Variants in PRSS48 observed in about 807,000 individuals in gnomAD.
The protein encoded by PRSS48 is serine protease 48.
Under a neutral mutation model 25.6 loss-of-function variants are expected in PRSS48, and 21 were observed. The observed-to-expected ratio is 0.82, with a 90% confidence interval of 0.58 to 1.18. The LOEUF is 1.18. Among genes scored for constraint, PRSS48 ranks in the 50% most tolerant of loss-of-function variants. The pLI is 0.00. For synonymous variants in PRSS48, 150 were observed against 149.3 expected (o/e 1.00, Z -0.04); for missense variants, 373 against 399.3 (o/e 0.93, Z 0.56).
At chr4:151,286,304 A>G (rs900328208) in intron 4 of PRSS48, among the ~76,000 whole-genome samples, 4 of 151,442 alleles carry the variant, frequency 2.6e-5, no homozygotes, top group African/African-American at 9.7e-5. Flanking sequence ...AACAAAAGCA[A>G]AAGTTGGTTT....
intron 4 of PRSS48, among the ~76,000 whole-genome samples, chr4:151,287,984 T>A (rs1381543572): frequency 6.6e-6 from 1 of 152,126 alleles, no homozygotes; most frequent in African/African-American, 2.4e-5. Flanking sequence ...AATCAATCAA[T>A]GTTAATATAC....
chr4:151,288,777 A>T (rs1221818821), intron 4 of PRSS48, among the ~76,000 whole-genome samples: 4 of 152,216 alleles, frequency 2.6e-5, no homozygotes, highest in Non-Finnish European at 4.4e-5. Context: ...TAATAGTTTT[A>T]AAAAGAATAA....
chr4:151,290,146 C>T (rs1775185118), intron 4 of PRSS48, among the ~76,000 whole-genome samples: 1 of 152,138 alleles, frequency 6.6e-6, no homozygotes, highest in Non-Finnish European at 1.5e-5. Flanking sequence ...GACAGGGTTC[C>T]ACTAGGTTGC....
exon 3 of PRSS48, chr4:151,282,197 G>C (rs777276781): frequency 9.3e-6 from 15 of 1,613,870 alleles, no homozygotes; most frequent in Non-Finnish European, 1.3e-5. Context: ...GATTACAGTA[G>C]GTGACTCAAG....
intron 2 of PRSS48, among the ~76,000 whole-genome samples, chr4:151,281,706 C>T (rs189932750): frequency 1.3e-5 from 2 of 151,734 alleles, no homozygotes; most frequent in South Asian, 2.1e-4. Flanking sequence ...TTTTGTACAT[C>T]TTATCAAATT....
chr4:151,282,450 C>A, intron 3 of PRSS48, 37 bp downstream of exon 3: 1 of 1,607,080 alleles, frequency 6.2e-7, no homozygotes, highest in South Asian at 1.1e-5. Flanking sequence ...TTTCATATGT[C>A]ATCCTCTTGT....
intron 4 of PRSS48, among the ~76,000 whole-genome samples, chr4:151,284,300 T>C (rs780408373): frequency 6.6e-6 from 1 of 152,230 alleles, no homozygotes; most frequent in Non-Finnish European, 1.5e-5. Flanking sequence ...TATTTTTAAA[T>C]TGATCTGTAT....
downstream of PRSS48, chr4:151,291,548 G>A: frequency 1.2e-6 from 1 of 811,400 alleles, no homozygotes; most frequent in Non-Finnish European, 1.9e-6. Flanking sequence ...TTTTGGGGTT[G>A]GAATGTGAAG....
In PRSS48 at chr4:151,282,917, C is replaced by T. The variant is rs1774391531; in HGVS notation, c.482-200C>T. Among the ~76,000 whole-genome samples, 3 of 152,050 alleles carry T rather than the reference C, an allele frequency of 2.0e-5. No individual in the cohort carries two copies. The South Asian group carries it at 6.3e-4, about 32-fold the overall frequency. ...CAATGGCTCAATTAAAAAAAAACCT[C>T]AAAGAAGCAGAAATAATTTAGAATT... On this transcript the variant is annotated intron_variant, in intron 3 of 4. Transcript: ENST00000455694.
chr4:151,287,113 G>C (rs1312327728), intron 4 of PRSS48, among the ~76,000 whole-genome samples: 3 of 151,756 alleles, frequency 2.0e-5, no homozygotes, highest in Admixed American at 6.6e-5. Context: ...GGCCGAGGCA[G>C]GCAGATCACC....
chr4:151,282,731 T>C (rs1580399688), intron 3 of PRSS48, among the ~76,000 whole-genome samples: 1 of 152,096 alleles, frequency 6.6e-6, no homozygotes, highest in Non-Finnish European at 1.5e-5. Flanking sequence ...TTTTTAACTG[T>C]TTTTCAAGTT....
chr4:151,288,689 A>G (rs1024572976), intron 4 of PRSS48, among the ~76,000 whole-genome samples: 1 of 152,172 alleles, frequency 6.6e-6, no homozygotes, highest in Non-Finnish European at 1.5e-5. Flanking sequence ...AAAAAGAAAA[A>G]AGAAAAAAGC....
At chr4:151,279,014 A>G in intron 1 of PRSS48, 6 of 270,802 alleles carry the variant, frequency 2.2e-5, no homozygotes, top group South Asian at 4.7e-5. Context: ...TGTGCTAGCT[A>G]CCAGCTAGAG....
At chr4:151,279,842 T>C (rs751994761) in exon 2 of PRSS48, 1 of 1,611,670 alleles carries the variant, frequency 6.2e-7, no homozygotes, top group Non-Finnish European at 8.5e-7. Context: ...GTGGCCAGGA[T>C]GCTGCTGCAG....
intron 4 of PRSS48, among the ~76,000 whole-genome samples, chr4:151,287,846 T>C (rs1279704402): frequency 6.6e-6 from 1 of 152,112 alleles, no homozygotes; most frequent in Admixed American, 6.5e-5. Flanking sequence ...TGCCACCACA[T>C]TCCAGCCTGG....
At chr4:151,283,837 A>C (rs1774485954) in intron 4 of PRSS48, among the ~76,000 whole-genome samples, 1 of 152,142 alleles carries the variant, frequency 6.6e-6, no homozygotes, top group Non-Finnish European at 1.5e-5. Flanking sequence ...TTGAAGCAGA[A>C]TTGCCAACTT....
At chr4:151,290,528 T>C (rs1384614036) in intron 4 of PRSS48, among the ~76,000 whole-genome samples, 1 of 152,172 alleles carries the variant, frequency 6.6e-6, no homozygotes, top group Non-Finnish European at 1.5e-5. Context: ...TTGGCCTAGC[T>C]GGGAGGGTTG....
downstream of PRSS48, chr4:151,291,525 T>C (rs1327839519): frequency 1.1e-5 from 13 of 1,139,008 alleles, no homozygotes; most frequent in Non-Finnish European, 1.6e-5. Context: ...TTTAAGGTTT[T>C]TGATTTTGGA....
chr4:151,282,544 TA>T, intron 3 of PRSS48, 131 bp downstream of exon 3: 1 of 866,094 alleles, frequency 1.2e-6, no homozygotes, highest in Non-Finnish European at 1.7e-6. Flanking sequence ...TGATATTATC[TA>T]TAAGTTTTTA....
Sources: gnomAD v4.1 joint callset for allele counts (sites outside exome capture counted in the v4.1 genomes callset) on GRCh38, gnomAD v4.1.1 for gene constraint, MANE v1.5 for transcripts, NCBI Gene and HGNC (gene_info 2026-07-23, HGNC 2026-07-21) for gene names.